The following CMIP variants were observed in gnomAD, a reference collection of about 807,000 sequenced individuals.
CMIP encodes C-Maf-inducing protein.
CMIP carries 13 observed loss-of-function variants against 97.3 expected under a neutral mutation model. The observed-to-expected ratio is 0.13, with a 90% CI of 0.09 to 0.21. The LOEUF (loss-of-function observed/expected upper bound fraction) is 0.21. Ranked by LOEUF, CMIP falls within the 10% of genes least tolerant of loss-of-function variation. The pLI is 1.00. For missense variants in CMIP, 847 were observed against 1,024.9 expected (o/e 0.83, Z 2.37); for synonymous variants, 538 against 436.3 (o/e 1.23, Z -2.91).
chr16:81,685,068 C>A (rs1408580546), intron 10 of CMIP, among the ~76,000 whole-genome samples: 1 of 152,232 alleles, frequency 6.6e-6, no homozygotes, highest in East Asian at 1.9e-4. Context: ...TCTTCGTGGG[C>A]CTGCCAGTCT....
chr16:81,555,435 G>T (rs1481557497), intron 1 of CMIP, among the ~76,000 whole-genome samples: 1 of 152,192 alleles, frequency 6.6e-6, no homozygotes, highest in Non-Finnish European at 1.5e-5. Context: ...TCTCAGCAGG[G>T]AATGGGGACA....
rs1415067956 is a variant in CMIP at position 81,445,499 on chromosome 16, G to A, written c.258G>A (p.Pro86=). Residue 86 remains proline, a synonymous_variant, in exon 1 of 21, where the codon CCG becomes CCA. Transcript: ENST00000537098. ...CGAAATTCCTGAGGCGCTGGGAGCC[G>A]CACCACCTAACGCTGGCCGACAACA... ...LTSKFLRRWE[P]HHLTLADNSL... 5 of 1,554,086 alleles carry A rather than the reference G, an allele frequency of 3.2e-6. No homozygotes were observed. Among genetic ancestry groups the A allele is most frequent in the East Asian group, 2.4e-5 (1 of 41,122 alleles).
intron 1 of CMIP, chr16:81,519,548 A>G (rs59834857): frequency 0.17 from 26,544 of 152,046 alleles, 3,273 homozygotes; most frequent in African/African-American, 0.35. Flanking sequence ...GAGGGGAAGG[A>G]CCTTGACTGA....
At chr16:81,698,670 C>T (rs1332221768) in intron 14 of CMIP, among the ~76,000 whole-genome samples, 1 of 152,180 alleles carries the variant, frequency 6.6e-6, no homozygotes, top group Admixed American at 6.5e-5. Flanking sequence ...ACACTGAAGA[C>T]ATTCATGTTG....
At chr16:81,585,489 C>T (rs1004748423) in intron 1 of CMIP, among the ~76,000 whole-genome samples, 5 of 152,230 alleles carry the variant, frequency 3.3e-5, no homozygotes, top group African/African-American at 1.2e-4. Flanking sequence ...TCCCCTCCTG[C>T]CAGGCCATGA....
At chr16:81,648,784 G>GAA (rs6145916) in intron 3 of CMIP, among the ~76,000 whole-genome samples, 6 of 75,738 alleles carry the variant, frequency 7.9e-5, no homozygotes, top group African/African-American at 1.8e-4. Flanking sequence ...CTCTGTCTCA[G>GAA]AAAAAAAAAA....
At chr16:81,471,820 G>A (rs1907576490) in intron 1 of CMIP, among the ~76,000 whole-genome samples, 1 of 152,224 alleles carries the variant, frequency 6.6e-6, no homozygotes, top group Non-Finnish European at 1.5e-5. Flanking sequence ...GTGACTCACA[G>A]GCAGCTAGGA....
At chr16:81,628,497 C>A (rs1275797499) in intron 3 of CMIP, among the ~76,000 whole-genome samples, 1 of 152,186 alleles carries the variant, frequency 6.6e-6, no homozygotes, top group Non-Finnish European at 1.5e-5. Context: ...GGTGCCTGTT[C>A]CTCCTCTTCT....
intron 3 of CMIP, chr16:81,645,617 C>G (rs1358577589): frequency 2.0e-6 from 3 of 1,535,596 alleles, no homozygotes; most frequent in Non-Finnish European, 2.6e-6. Context: ...CCTTCCTTGA[C>G]AAGCAGAGAG....
intron 3 of CMIP, among the ~76,000 whole-genome samples, chr16:81,638,734 C>T (rs1222019913): frequency 5.3e-5 from 8 of 152,184 alleles, no homozygotes; most frequent in African/African-American, 1.9e-4. Context: ...GGTGTTCCTG[C>T]CCCAGTTCAG....
chr16:81,528,938 T>A (rs1369441783), intron 1 of CMIP, among the ~76,000 whole-genome samples: 1 of 152,064 alleles, frequency 6.6e-6, no homozygotes, highest in Non-Finnish European at 1.5e-5. Flanking sequence ...TGCCTACCAG[T>A]CCATGCACCC....
At chr16:81,556,419 A>G (rs1037953424) in intron 1 of CMIP, among the ~76,000 whole-genome samples, 1 of 152,196 alleles carries the variant, frequency 6.6e-6, no homozygotes. Flanking sequence ...TTGATGGATC[A>G]CATAGTAACT....
intron 1 of CMIP, among the ~76,000 whole-genome samples, chr16:81,599,268 G>A (rs150448504): frequency 2.0e-5 from 3 of 152,298 alleles, no homozygotes; most frequent in Non-Finnish European, 1.5e-5. Context: ...AGGGAAACCA[G>A]GGGAGGGAGA....
chr16:81,457,193 G>A (rs565326858), intron 1 of CMIP, among the ~76,000 whole-genome samples: 1 of 152,120 alleles, frequency 6.6e-6, no homozygotes, highest in South Asian at 2.1e-4. Flanking sequence ...CCAGTCAGTG[G>A]TTTTCCAGGG....
chr16:81,702,512 T>A, intron 16 of CMIP, 110 bp from the exon 17 acceptor site: 3 of 1,147,986 alleles, frequency 2.6e-6, no homozygotes, highest in Non-Finnish European at 3.9e-6. Context: ...TGTTGCCTTG[T>A]ACCACCAAGA....
Position 81,703,955 on chromosome 16 carries a change from G to T in CMIP, c.1961G>T (p.Arg654Leu). ...PSKSTDADLARLLSSGSFGNL... is the reference protein window; with the variant it reads ...PSKSTDADLALLLSSGSFGNL... ...TGCCCGCAGGACGCTGACTTGGCTCGTTTGCTGAGCTCCGGCTCCTTCGGA... is the reference window on the plus strand; with the variant it reads ...TGCCCGCAGGACGCTGACTTGGCTCTTTTGCTGAGCTCCGGCTCCTTCGGA... The change falls in exon 18 of 21, where the codon CGT (arginine) becomes CTT (leucine). Residue 654 changes from arginine to leucine, a missense_variant. Around this residue, in one of 4 missense-constraint regions of CMIP, gnomAD observed 266 missense variants for 384.2 expected, o/e 0.69. Transcript: ENST00000537098. 6.3e-7 allele frequency: 1 copy of T among 1,595,550 alleles called. No homozygotes were observed. The highest frequency in any genetic ancestry group is 8.5e-7 in the Non-Finnish European group (1 of 1,172,958).
At chr16:81,527,948 A>G (rs2090163688) in intron 1 of CMIP, among the ~76,000 whole-genome samples, 1 of 152,242 alleles carries the variant, frequency 6.6e-6, no homozygotes, top group African/African-American at 2.4e-5. Context: ...ATAGTTAGGC[A>G]TGAGTTGCCA....
At chr16:81,670,095 G>C in intron 7 of CMIP, 47 bp from the exon 8 acceptor site, 1 of 1,558,020 alleles carries the variant, frequency 6.4e-7, no homozygotes, top group Middle Eastern at 1.9e-4. Context: ...CTGGGCTCCT[G>C]CCCTGCCTAG....
chr16:81,693,512 A>T, intron 13 of CMIP, 25 bp downstream of exon 13: 1 of 1,604,582 alleles, frequency 6.2e-7, no homozygotes, highest in Non-Finnish European at 8.5e-7. Flanking sequence ...TCTGCATCTC[A>T]GGCCGGCTGT....
Sources: gnomAD v4.1 joint callset for allele counts (sites outside exome capture counted in the v4.1 genomes callset) on GRCh38, gnomAD v4.1.1 for gene constraint, gnomAD v4.1.1 regional missense constraint, MANE v1.5 for transcripts, NCBI Gene and HGNC (gene_info 2026-07-23, HGNC 2026-07-21) for gene names.